SYNE1: variants seen among roughly 807,000 people sequenced by gnomAD.
SYNE1 encodes nesprin-1.
A neutral mutation model predicts 1,111.0 loss-of-function variants in SYNE1; 616 were observed. The observed-to-expected ratio is 0.55, with a 90% CI of 0.52 to 0.59. SYNE1 has a LOEUF of 0.59. Among genes scored for constraint, SYNE1 ranks in the 20% least tolerant of loss-of-function variants. The pLI is 0.00. For missense variants in SYNE1, 10,006 were observed against 10,417.0 expected (o/e 0.96, Z 1.72); for synonymous variants, 3,855 against 3,825.8 (o/e 1.01, Z -0.28).
intron 102 of SYNE1, among the ~76,000 whole-genome samples, 163 bp downstream of exon 102, chr6:152,256,471 A>G (rs889459515): frequency 4.9e-5 from 7 of 143,434 alleles, no homozygotes; most frequent in Non-Finnish European, 1.1e-4. Flanking sequence ...AATAAATAGG[A>G]TGGGACTCCA....
chr6:152,557,923 A>G (rs1261056224), intron 3 of SYNE1, among the ~76,000 whole-genome samples: 1 of 152,188 alleles, frequency 6.6e-6, no homozygotes, highest in Non-Finnish European at 1.5e-5. Flanking sequence ...ACAATATCCT[A>G]ATACTGTAAT....
intron 55 of SYNE1, chr6:152,381,578 C>T (rs1056409447): frequency 3.3e-6 from 2 of 597,986 alleles, no homozygotes; most frequent in Non-Finnish European, 5.9e-6. Context: ...TCCCGAGAAT[C>T]CTCAATATCC....
intron 34 of SYNE1, among the ~76,000 whole-genome samples, chr6:152,433,272 TA>T (rs1255812913): frequency 6.6e-6 from 1 of 152,062 alleles, no homozygotes; most frequent in Non-Finnish European, 1.5e-5. Context: ...CTGGGAGAGG[TA>T]AGGAATCAGA....
intron 145 of SYNE1, chr6:152,126,504 T>C (rs1292883714): frequency 6.6e-6 from 1 of 152,176 alleles, no homozygotes; most frequent in African/African-American, 2.4e-5. Flanking sequence ...CCAGTTTAGA[T>C]TGTGTTTATA....
chr6:152,259,193 C>T (rs527849577), intron 101 of SYNE1, among the ~76,000 whole-genome samples: 28 of 152,250 alleles, frequency 1.8e-4, no homozygotes, highest in African/African-American at 6.3e-4. Context: ...ATTTCCATAC[C>T]GATCATAGCA....
rs571220201 is a variant in SYNE1, at chr6:152,417,430, G to A, written c.5422-415C>T. On this transcript the variant is annotated intron_variant, in intron 40 of 145. Coordinates refer to ENST00000367255, the MANE Select transcript of SYNE1 (RefSeq NM_182961.4). Reference sequence around the variant, plus strand: ...GGAGAATGGCATGAACCCGGGAGGCGGAGCTTGCAGTGAGCCAAGATTGCA... The same window carrying A: ...GGAGAATGGCATGAACCCGGGAGGCAGAGCTTGCAGTGAGCCAAGATTGCA... Among the ~76,000 whole-genome samples, 180 of 152,192 alleles carry A rather than the reference G, an allele frequency of 1.2e-3. 2 individuals are homozygous for A. Among genetic ancestry groups the A allele is most frequent in the African/African-American group, 3.5e-3 (145 of 41,528 alleles).
At chr6:152,586,739 T>C (rs2099540741) in intron 3 of SYNE1, among the ~76,000 whole-genome samples, 1 of 152,080 alleles carries the variant, frequency 6.6e-6, no homozygotes, top group African/African-American at 2.4e-5. Flanking sequence ...AGAACTTATT[T>C]TGCATTTGGA....
At position 152,262,004 on chromosome 6, in the gene SYNE1, T is replaced by C. The variant is rs768435497; in HGVS notation, c.18972+28A>G. On this transcript the variant is annotated intron_variant, in intron 101 of 145. Transcript: ENST00000367255. ...ATAAACTCTACATCTTTTATATTAG[T>C]TAATATATAATGTAAAATATTTGAT... is the stretch of plus-strand genomic sequence containing the variant. 15 of 1,552,644 alleles carry C rather than the reference T, an allele frequency of 9.7e-6. No individual in the cohort carries two copies. The East Asian group carries it at 3.6e-4, about 37-fold the overall frequency.
At position 152,401,314 on chromosome 6, in the gene SYNE1, GT is replaced by G. The variant is rs1360203691; in HGVS notation, c.6852del (p.Lys2284AsnfsTer8). 6.2e-7 allele frequency: 1 copy of G among 1,613,910 alleles called. No individual in the cohort carries two copies. The highest frequency in any genetic ancestry group is 8.5e-7 in the Non-Finnish European group (1 of 1,180,004). ...TCAGTTATTTCTTTGGCATGCTCCA[GT>G]TTCTGCATTAAGTCTGCTTCTATAA... ...LQFIEADLMQ[K>X]LEHAKEITEV... On this transcript the variant is annotated frameshift_variant, in exon 47 of 146. Coordinates refer to ENST00000367255, the MANE Select transcript of SYNE1 (RefSeq NM_182961.4). LOFTEE classifies it high-confidence loss of function.
At chr6:152,252,144 T>C (rs969585841) in intron 104 of SYNE1, among the ~76,000 whole-genome samples, 2 of 151,984 alleles carry the variant, frequency 1.3e-5, no homozygotes, top group Non-Finnish European at 2.9e-5. Context: ...ATGGCGTGCA[T>C]GCCTGTAGTT....
chr6:152,381,572 G>A (rs777549862), intron 55 of SYNE1: 5 of 604,294 alleles, frequency 8.3e-6, no homozygotes, highest in South Asian at 1.9e-5. Context: ...AAAAAATCCC[G>A]AGAATCCTCA....
intron 131 of SYNE1, 144 bp downstream of exon 131, chr6:152,164,019 G>A: frequency 8.8e-7 from 1 of 1,130,926 alleles, no homozygotes; most frequent in Non-Finnish European, 1.3e-6. Flanking sequence ...CGCCTGCCTA[G>A]GCAAAGCCCC....
rs2062706000 is a variant in SYNE1 at position 152,162,425 on chromosome 6, G to A, written c.23790+1738C>T. ...TTTATTGGGGTTTTAGTAGTAGGTG[G>A]GGCTATAAATACATATGATCAATTT... is the stretch of plus-strand genomic sequence containing the variant. On this transcript the variant is annotated intron_variant, in intron 131 of 145. Coordinates refer to ENST00000367255, the MANE Select transcript of SYNE1 (RefSeq NM_182961.4). Among the ~76,000 whole-genome samples the A allele has an allele frequency of 2.0e-5, 3 of 151,946 alleles. No individual in the cohort carries two copies. The South Asian group carries it at 6.2e-4, about 32-fold the overall frequency.
At position 152,244,628 on chromosome 6, in the gene SYNE1, T is replaced by G; in HGVS notation, c.19601A>C (p.Lys6534Thr). The change falls in exon 106 of 146, where the codon AAA becomes ACA. Residue 6534 changes from lysine to threonine, a missense_variant. Transcript: ENST00000367255. ...EAIQQAEDGL[K>T]EFDAGIIELK... ...TTCAATGATTCCTGCATCAAATTCT[T>G]TGAGTCCATCTTCAGCCTGTTGTAT... The G allele has an allele frequency of 6.2e-7, 1 of 1,614,046 alleles. No homozygotes were observed. The highest frequency in any genetic ancestry group is 8.5e-7 in the Non-Finnish European group (1 of 1,179,922).
At chr6:152,425,045 T>A (rs2098330790) in intron 39 of SYNE1, among the ~76,000 whole-genome samples, 3 of 152,210 alleles carry the variant, frequency 2.0e-5, no homozygotes, top group South Asian at 4.1e-4. Context: ...TTGAGAAATG[T>A]CATGTGAGAT....
chr6:152,546,396 T>C (rs1040798051), intron 3 of SYNE1: 3 of 152,182 alleles, frequency 2.0e-5, no homozygotes, highest in African/African-American at 7.2e-5. Flanking sequence ...TAGGAGGTGG[T>C]CTCATTTCCC....
intron 30 of SYNE1, 43 bp from the exon 31 acceptor site, chr6:152,442,288 T>C: frequency 1.2e-6 from 2 of 1,608,270 alleles, no homozygotes; most frequent in Non-Finnish European, 1.7e-6. Context: ...TTGTGCTCTC[T>C]AAACAGCTAA....
intron 95 of SYNE1, among the ~76,000 whole-genome samples, chr6:152,292,349 T>C (rs1372877129): frequency 6.6e-6 from 1 of 152,102 alleles, no homozygotes; most frequent in Non-Finnish European, 1.5e-5. Context: ...CCTCTGCAAA[T>C]GTGGCTAAGG....
At chr6:152,634,506 A>G (rs977725487) in intron 2 of SYNE1, among the ~76,000 whole-genome samples, 6 of 152,226 alleles carry the variant, frequency 3.9e-5, no homozygotes, top group African/African-American at 1.4e-4. Context: ...GTACTAATTA[A>G]TGAATACTAA....
Sources: gnomAD v4.1 joint callset for allele counts (sites outside exome capture counted in the v4.1 genomes callset) on GRCh38, gnomAD v4.1.1 for gene constraint, MANE v1.5 for transcripts, NCBI Gene and HGNC (gene_info 2026-07-23, HGNC 2026-07-21) for gene names.